The following TKFC variants were observed in gnomAD, a reference collection of about 807,000 sequenced individuals.
TKFC encodes the protein triokinase and FMN cyclase.
In TKFC, 46 loss-of-function variants were observed where a neutral mutation model predicts 61.0. The ratio of observed to expected loss-of-function variants is 0.75; its 90% CI spans 0.60 to 0.96. TKFC has a LOEUF of 0.96. TKFC is among the 50% of genes least tolerant of loss of function. TKFC has a pLI of 0.00. For synonymous variants in TKFC, 314 were observed against 330.1 expected, an observed-to-expected ratio of 0.95 and a Z score of 0.53; for missense variants, 715 against 777.5, an observed-to-expected ratio of 0.92 and a Z score of 0.96.
At chr11:61,343,552 C>T (rs1856968859) in intron 11 of TKFC, 94 bp downstream of exon 11, 1 of 1,178,400 alleles carries the variant, frequency 8.5e-7, no homozygotes, top group African/African-American at 1.5e-5. Flanking sequence ...CTGACCGTGA[C>T]AATCAGGGCT....
In TKFC at chr11:61,346,125, C is replaced by G. The variant is rs552361961; in HGVS notation, c.1575+179C>G. ...GTGGCTAAGGAAATATGTAGAGCCC[C>G]GCACACTGCCTGGGATGTGACAGGG... is the stretch of plus-strand genomic sequence containing the variant. On this transcript the variant is annotated intron_variant, in intron 17 of 17. Coordinates refer to ENST00000394900, the MANE Select transcript of TKFC (RefSeq NM_015533.4). The surrounding 1 kb of genome is among the most constrained non-coding windows in gnomAD (Gnocchi z 4.1). 1 of 1,177,192 alleles carries G rather than the reference C, an allele frequency of 8.5e-7. No homozygotes were observed. The highest frequency in any genetic ancestry group is 1.2e-6 in the Non-Finnish European group (1 of 855,944). The allele number at this position is 1,177,192 out of a possible 1,614,324, so 72.9% of individuals were successfully genotyped here.
At position 61,341,820 on chromosome 11, in the gene TKFC, T is replaced by G. The variant is rs773995453; in HGVS notation, c.566-3T>G. 3 of 1,613,540 alleles carry G rather than the reference T, an allele frequency of 1.9e-6. No homozygotes were observed. Among genetic ancestry groups the G allele is most frequent in the Non-Finnish European group, 2.5e-6 (3 of 1,179,636 alleles). On this transcript the variant is annotated splice_region_variant and splice_polypyrimidine_tract_variant and intron_variant, in intron 6 of 17. Coordinates refer to ENST00000394900, the MANE Select transcript of TKFC (RefSeq NM_015533.4). The stretch of plus-strand genomic sequence containing the variant: ...TCATCCCTTCATGCCTTGTTTCTCA[T>G]AGGTACCCTGGGGGTGAGCTTATCC...
downstream of TKFC, chr11:61,350,277 T>C: frequency 3.8e-6 from 5 of 1,326,918 alleles, no homozygotes; most frequent in South Asian, 6.8e-5. Context: ...GCAAGAAGTC[T>C]GGGCCCAGCA....
downstream of TKFC, chr11:61,353,026 T>C (rs1253488740): frequency 6.2e-7 from 1 of 1,614,104 alleles, no homozygotes; most frequent in Admixed American, 1.7e-5. Context: ...AAATGACGGA[T>C]GCGATGGACA....
Position 61,347,532 on chromosome 11 carries a change from C to G in TKFC, c.*1029C>G. The G allele has an allele frequency of 1.1e-6, 1 of 909,392 alleles. No individual in the cohort carries two copies. Among genetic ancestry groups the G allele is most frequent in the Non-Finnish European group, 1.3e-6 (1 of 793,416 alleles). 56.3% of individuals were successfully genotyped at this position (909,392 alleles called of 1,614,324 possible). On this transcript the variant is annotated 3_prime_UTR_variant, in exon 18 of 18. Coordinates refer to ENST00000394900, the MANE Select transcript of TKFC (RefSeq NM_015533.4). ...CCAGCCTGGGCAACAAAGCGAGACC[C>G]TGTCTCAAAAAAAAAAAAAAAAAAA...
rs1303801607 is a variant in TKFC, at chr11:61,344,160, T to C, written c.1127T>C (p.Leu376Pro). The change falls in exon 13 of 18, where the codon CTG becomes CCG. Residue 376 changes from leucine to proline, a missense_variant. Coordinates refer to ENST00000394900, the MANE Select transcript of TKFC (RefSeq NM_015533.4). ...AGGSASKRMA[L>P]VLERVCSTLL... ...GGCTCAGCCTCGAAGCGGATGGCGC[T>C]GGTGCTGGAACGGGTGTGCAGCACT... is the stretch of plus-strand genomic sequence containing the variant. 6.2e-7 allele frequency: 1 copy of C among 1,612,388 alleles called. No homozygotes were observed. The highest frequency in any genetic ancestry group is 1.7e-5 in the Admixed American group (1 of 60,016).
Position 61,341,487 on chromosome 11 carries a change from C to T in TKFC, c.538C>T (p.Gln180Ter). 1 of 1,555,492 alleles carries T rather than the reference C, an allele frequency of 6.4e-7. No homozygotes were observed. The highest frequency in any genetic ancestry group is 8.7e-7 in the Non-Finnish European group (1 of 1,148,910). Reference sequence around the variant, plus strand: ...TGTGGGGCTGGAGGAGATCGCAAAGCAGGTGAACGTGGTCGCCAAGGCCAT... The same window carrying T: ...TGTGGGGCTGGAGGAGATCGCAAAGTAGGTGAACGTGGTCGCCAAGGCCAT... ...AGVGLEEIAK[Q>*]VNVVAKAMGT... Residue 180 changes from glutamine to a stop codon, truncating the protein, a stop_gained, in exon 6 of 18, where the codon CAG becomes TAG. Coordinates refer to ENST00000394900, the MANE Select transcript of TKFC (RefSeq NM_015533.4). LOFTEE classifies it high-confidence loss of function.
intron 5 of TKFC, among the ~76,000 whole-genome samples, 181 bp from the exon 6 acceptor site, chr11:61,341,253 CTG>C (rs1856838516): frequency 1.3e-5 from 2 of 152,200 alleles, no homozygotes; most frequent in South Asian, 4.1e-4. Context: ...TTGAAGATTC[CTG>C]GCAGGTACAC....
chr11:61,344,161 G>A lies in TKFC; in HGVS notation c.1128G>A (p.Leu376=), dbSNP rs749797184. 1 of 1,612,402 alleles carries A rather than the reference G, an allele frequency of 6.2e-7. No individual in the cohort carries two copies. Among genetic ancestry groups the A allele is most frequent in the East Asian group, 2.2e-5 (1 of 44,872 alleles). The change falls in exon 13 of 18, where the codon CTG becomes CTA. Residue 376 remains leucine (L), a synonymous_variant. Transcript: ENST00000394900. The part of the protein sequence containing the change: ...AGGSASKRMA[L]VLERVCSTLL... ...GCTCAGCCTCGAAGCGGATGGCGCT[G>A]GTGCTGGAACGGGTGTGCAGCACTC...
intron 11 of TKFC, 46 bp from the exon 12 acceptor site, chr11:61,343,810 C>T: frequency 6.3e-7 from 1 of 1,582,634 alleles, no homozygotes. Flanking sequence ...CTGCTGAATC[C>T]CTGGCTGGAC....
chr11:61,344,880 G>A (rs1392901862), intron 13 of TKFC, among the ~76,000 whole-genome samples: 1 of 152,194 alleles, frequency 6.6e-6, no homozygotes, highest in Non-Finnish European at 1.5e-5. Context: ...ACTGCTCTCA[G>A]CTGTGGATAC....
downstream of TKFC, chr11:61,350,404 C>T (rs770139442): frequency 6.2e-6 from 10 of 1,610,828 alleles, no homozygotes; most frequent in Non-Finnish European, 8.5e-6. Context: ...CTGCTTCACT[C>T]CCCATCATGC....
downstream of TKFC, chr11:61,349,490 A>G: frequency 1.4e-6 from 1 of 698,458 alleles, no homozygotes; most frequent in Non-Finnish European, 2.6e-6. Flanking sequence ...GAGGAAGTCC[A>G]CAGCCACCTC....
chr11:61,345,214 TGGAG>T (rs746620478), intron 13 of TKFC, 42 bp from the exon 14 acceptor site: 35 of 1,460,458 alleles, frequency 2.4e-5, no homozygotes, highest in Non-Finnish European at 3.0e-5. Flanking sequence ...GTCTGGCAGA[TGGAG>T]GGAGGATCTC....
At chr11:61,338,578 G>T (rs1446919168) in intron 3 of TKFC, among the ~76,000 whole-genome samples, 1 of 152,144 alleles carries the variant, frequency 6.6e-6, no homozygotes, top group Non-Finnish European at 1.5e-5. Flanking sequence ...GGAGGGCAGG[G>T]ACTAGGATGC....
chr11:61,346,098 A>G lies in TKFC; in HGVS notation c.1575+152A>G. The G allele has an allele frequency of 2.7e-6, 3 of 1,131,988 alleles. No individual in the cohort carries two copies. The highest frequency in any genetic ancestry group is 3.7e-6 in the Non-Finnish European group (3 of 813,886). 70.1% of individuals were successfully genotyped at this position (1,131,988 alleles called of 1,614,324 possible). ...TGAGCACCTATCTCAGAAGGTGGTT[A>G]TGTGGCTAAGGAAATATGTAGAGCC... On this transcript the variant is annotated intron_variant, in intron 17 of 17. Coordinates refer to ENST00000394900, the MANE Select transcript of TKFC (RefSeq NM_015533.4). The surrounding 1 kb of genome is among the most constrained non-coding windows in gnomAD (Gnocchi z 4.1).
downstream of TKFC, chr11:61,351,122 T>A (rs1857385656): frequency 6.2e-7 from 1 of 1,613,638 alleles, no homozygotes; most frequent in African/African-American, 1.3e-5. Context: ...CTGGGCAGGC[T>A]GTGGTATGGC....
At chr11:61,351,719 T>C (rs1403290036), downstream of TKFC, 1 of 152,282 alleles carries the variant, frequency 6.6e-6, no homozygotes, top group Non-Finnish European at 1.5e-5. Context: ...AGTTGGAGAC[T>C]AGCCTGTGCA....
At chr11:61,351,954 T>C (rs1857432717), downstream of TKFC, 1 of 152,094 alleles carries the variant, frequency 6.6e-6, no homozygotes, top group African/African-American at 2.4e-5. Context: ...GGTCTTCCTA[T>C]GTTGCCCAGG....
Sources: gnomAD v4.1 joint callset for allele counts (sites outside exome capture counted in the v4.1 genomes callset) on GRCh38, gnomAD v4.1.1 for gene constraint, Gnocchi (gnomAD v3.1) non-coding constraint, MANE v1.5 for transcripts, NCBI Gene and HGNC (gene_info 2026-07-23, HGNC 2026-07-21) for gene names.